DPY30: variants seen among roughly 807,000 people sequenced by gnomAD.
DPY30 encodes the protein dpy-30 histone methyltransferase complex regulatory subunit.
DPY30 carries 6 observed loss-of-function variants against 16.2 expected under a neutral mutation model. The observed-to-expected ratio is 0.37, with a 90% confidence interval of 0.20 to 0.73. DPY30 has a LOEUF of 0.73. DPY30 is among the 30% of genes least tolerant of loss of function. DPY30 has a pLI of 0.51. For missense variants in DPY30, 73 were observed against 113.1 expected, an observed-to-expected ratio of 0.65 and a Z score of 1.61; for synonymous variants, 39 against 38.8, an observed-to-expected ratio of 1.00 and a Z score of -0.02.
intron 3 of DPY30, among the ~76,000 whole-genome samples, chr2:32,038,283 G>A (rs1234404885): frequency 6.6e-6 from 1 of 150,614 alleles, no homozygotes; most frequent in South Asian, 2.1e-4. Context: ...GCTGGGATTA[G>A]TAGAGAGGAG....
chr2:32,033,534 T>G (rs1335800657), intron 3 of DPY30, among the ~76,000 whole-genome samples: 1 of 151,724 alleles, frequency 6.6e-6, no homozygotes, highest in Non-Finnish European at 1.5e-5. Context: ...TAGCCAGGCG[T>G]GGTGGCACAT....
At chr2:32,020,533 T>G (rs1413043464), downstream of DPY30, among the ~76,000 whole-genome samples, 2 of 151,986 alleles carry the variant, frequency 1.3e-5, no homozygotes, top group African/African-American at 2.4e-5. Flanking sequence ...AGTATTAAAA[T>G]TAAAATTAAA....
intron 4 of DPY30, among the ~76,000 whole-genome samples, chr2:32,024,621 C>T (rs530194760): frequency 1.3e-5 from 2 of 152,278 alleles, no homozygotes; most frequent in East Asian, 3.9e-4. Context: ...CTGCAAGCTA[C>T]ACAGGTATGT....
downstream of DPY30, chr2:32,020,814 AG>A (rs747960912): frequency 6.6e-6 from 1 of 152,138 alleles, no homozygotes; most frequent in Non-Finnish European, 1.5e-5. Context: ...TACTCAAGTA[AG>A]TATTATGTGG....
At chr2:32,030,077 A>T (rs925784078) in intron 3 of DPY30, among the ~76,000 whole-genome samples, 31 of 150,058 alleles carry the variant, frequency 2.1e-4, no homozygotes, top group African/African-American at 4.2e-4. Flanking sequence ...AAAAAAAAAA[A>T]AAAAATAATG....
Position 32,024,174 on chromosome 2 carries a change from T to C in DPY30, c.*10A>G. The C allele has an allele frequency of 6.2e-7, 1 of 1,609,624 alleles. No individual in the cohort carries two copies. Among genetic ancestry groups the C allele is most frequent in the Non-Finnish European group, 8.5e-7 (1 of 1,177,974 alleles). On this transcript the variant is annotated 3_prime_UTR_variant, in exon 5 of 5. Coordinates refer to ENST00000342166, the MANE Select transcript of DPY30 (RefSeq NM_001321209.2). ...AGTAGCAACTAAATTTTTCTGTTCT[T>C]CCCATTAAGTCAGTTTCGATCTTCA...
downstream of DPY30, among the ~76,000 whole-genome samples, chr2:32,022,439 C>T (rs1164673977): frequency 6.6e-6 from 1 of 151,928 alleles, no homozygotes; most frequent in Non-Finnish European, 1.5e-5. Context: ...AGTGTCAGTT[C>T]TACTAAAATA....
At position 32,025,801 on chromosome 2, in the gene DPY30, G is replaced by GA. The variant is rs764218451; in HGVS notation, c.228-1546dup. 8.5e-3 allele frequency among the ~76,000 whole-genome samples: 1,208 copies of GA among 141,394 alleles called. 18 individuals carry two copies. Among genetic ancestry groups the GA allele is most frequent in the Non-Finnish European group, 0.013 (832 of 64,808 alleles). 92.8% of individuals were successfully genotyped at this position (141,394 alleles called of 152,430 possible). A position where few individuals can be genotyped will look rare whatever the true frequency, so the allele number is the denominator to read the frequency against. On this transcript the variant is annotated intron_variant, in intron 4 of 4. Coordinates refer to ENST00000342166, the MANE Select transcript of DPY30 (RefSeq NM_001321209.2). ...AAAAAAACCGTACTTGGGCCGGGGG[G>GA]AAAAAAAAAACAACACCGTACTTGG...
In DPY30 at chr2:32,026,014, G is replaced by GA. The variant is rs1182172580; in HGVS notation, c.228-1759dup. On this transcript the variant is annotated intron_variant, in intron 4 of 4. Transcript: ENST00000342166. ...TCACAGCTACTCAGGAGGTTAGGTG[G>GA]AAAAATCACTTGAGCCTGGGAGTTC... is the stretch of plus-strand genomic sequence containing the variant. Among the ~76,000 whole-genome samples, 3 of 151,850 alleles carry GA rather than the reference G, an allele frequency of 2.0e-5. No individual in the cohort carries two copies. The East Asian group carries it at 5.8e-4, about 29-fold the overall frequency.
At chr2:32,034,343 T>G (rs1675658208) in intron 3 of DPY30, among the ~76,000 whole-genome samples, 1 of 152,272 alleles carries the variant, frequency 6.6e-6, no homozygotes, top group African/African-American at 2.4e-5. Context: ...CTGCTTCTTG[T>G]GAGGGCTTCA....
At chr2:32,026,499 A>G (rs970794756) in intron 4 of DPY30, among the ~76,000 whole-genome samples, 1 of 152,014 alleles carries the variant, frequency 6.6e-6, no homozygotes, top group Non-Finnish European at 1.5e-5. Flanking sequence ...CATTTAAAGT[A>G]ATATTTGGAG....
At chr2:32,018,728 A>C (rs959514616) in intron 5 of DPY30, among the ~76,000 whole-genome samples, 1 of 152,124 alleles carries the variant, frequency 6.6e-6, no homozygotes, top group Non-Finnish European at 1.5e-5. Context: ...TCAAAAAAAA[A>C]AATGTTTACA....
chr2:32,020,148 G>A (rs1675149092), downstream of DPY30, among the ~76,000 whole-genome samples: 2 of 151,970 alleles, frequency 1.3e-5, no homozygotes, highest in African/African-American at 4.8e-5. Flanking sequence ...GAGCCCAGGA[G>A]TAAGCTATGC....
At chr2:32,033,929 C>T (rs1438162153) in intron 3 of DPY30, among the ~76,000 whole-genome samples, 1 of 152,162 alleles carries the variant, frequency 6.6e-6, no homozygotes, top group Admixed American at 6.5e-5. Context: ...TAGGTGAGTA[C>T]TATGACTGTC....
intron 3 of DPY30, among the ~76,000 whole-genome samples, chr2:32,038,585 T>C (rs1370598007): frequency 6.6e-6 from 1 of 151,874 alleles, no homozygotes; most frequent in Non-Finnish European, 1.5e-5. Flanking sequence ...TTATTAAATG[T>C]TGACTCCACC....
intron 2 of DPY30, 35 bp downstream of exon 2, chr2:32,039,386 C>T: frequency 1.9e-6 from 3 of 1,614,174 alleles, no homozygotes; most frequent in Non-Finnish European, 2.5e-6. Context: ...TGCCTCCCTG[C>T]ACACCGCCAC....
intron 3 of DPY30, among the ~76,000 whole-genome samples, chr2:32,032,803 C>T (rs1254535162): frequency 6.6e-6 from 1 of 152,126 alleles, no homozygotes; most frequent in African/African-American, 2.4e-5. Context: ...CGAGACCAGC[C>T]TGACCAACAT....
intron 3 of DPY30, 49 bp from the exon 4 acceptor site, chr2:32,029,785 A>C (rs2148662130): frequency 6.2e-7 from 1 of 1,600,934 alleles, no homozygotes; most frequent in South Asian, 1.1e-5. Flanking sequence ...TAACCAGGTT[A>C]TTTTGAGTGC....
chr2:32,036,150 A>C (rs951588432), intron 3 of DPY30, among the ~76,000 whole-genome samples: 2 of 119,842 alleles, frequency 1.7e-5, no homozygotes, highest in African/African-American at 3.0e-5. Context: ...ATACCCAGCT[A>C]ATTTTTTTTT....
Sources: gnomAD v4.1 joint callset for allele counts (sites outside exome capture counted in the v4.1 genomes callset) on GRCh38, gnomAD v4.1.1 for gene constraint, MANE v1.5 for transcripts, NCBI Gene and HGNC (gene_info 2026-07-23, HGNC 2026-07-21) for gene names.